The following CAMK1D variants were observed in gnomAD, a reference collection of about 807,000 sequenced individuals.
CAMK1D encodes the protein calcium/calmodulin dependent protein kinase ID, also known as calcium/calmodulin-dependent protein kinase type 1D.
CAMK1D carries 9 observed loss-of-function variants against 47.7 expected under a neutral mutation model. The ratio of observed to expected loss-of-function variants is 0.19; its 90% CI spans 0.11 to 0.33. The LOEUF (loss-of-function observed/expected upper bound fraction) is 0.33, where lower values mean the gene tolerates loss of function less well. CAMK1D is among the 10% of genes least tolerant of loss of function. The pLI, the probability that CAMK1D is intolerant of heterozygous loss-of-function variation, is 1.00. For missense variants in CAMK1D, 291 were observed against 488.7 expected (o/e 0.60, Z 3.81); for synonymous variants, 184 against 184.9 (o/e 0.99, Z 0.04).
intron 1 of CAMK1D, among the ~76,000 whole-genome samples, chr10:12,373,840 C>T (rs952171147): frequency 6.6e-5 from 10 of 150,978 alleles, no homozygotes; most frequent in African/African-American, 1.7e-4. Context: ...TTTGGGAGGC[C>T]GAGGCAGGCG....
rs1431730318 is a variant in CAMK1D at position 12,739,362 on chromosome 10, G to A, written c.300-21586G>A. Among the ~76,000 whole-genome samples the A allele has an allele frequency of 4.0e-5, 6 of 151,412 alleles. No homozygotes were observed. In the South Asian group the frequency reaches 1.0e-3, roughly 26 times the overall value. On this transcript the variant is annotated intron_variant, in intron 3 of 10. Coordinates refer to ENST00000619168, the MANE Select transcript of CAMK1D (RefSeq NM_153498.4). The stretch of plus-strand genomic sequence containing the variant: ...GCCATCTTGGCTCACTATAACCTCC[G>A]CCTCTCGGGTTTAAGCAGTTTTCCT...
At chr10:12,371,178 A>G (rs1045718468) in intron 1 of CAMK1D, among the ~76,000 whole-genome samples, 2 of 152,058 alleles carry the variant, frequency 1.3e-5, no homozygotes, top group African/African-American at 4.8e-5. Flanking sequence ...AGGCCTTCTC[A>G]TTCACTCACC....
intron 1 of CAMK1D, among the ~76,000 whole-genome samples, chr10:12,491,552 G>A (rs1834383209): frequency 6.6e-6 from 1 of 152,096 alleles, no homozygotes; most frequent in Non-Finnish European, 1.5e-5. Flanking sequence ...AGAAGATCCT[G>A]TAAGTCAGCC....
Position 12,544,760 on chromosome 10 carries a change from GGTACTAGTGTTGAGTGGATA to G in CAMK1D, c.93-8413_93-8394del, listed in dbSNP as rs1564402513. Among the ~76,000 whole-genome samples, 12 of 148,988 alleles carry G rather than the reference GGTACTAGTGTTGAGTGGATA, an allele frequency of 8.1e-5. No homozygotes were observed. In the East Asian group the frequency reaches 8.2e-4, roughly 10 times the overall value. The stretch of plus-strand genomic sequence containing the variant: ...TGGATAGTACTAGTATTGAGTGGAT[GGTACTAGTGTTGAGTGGATA>G]GTACTAGTGTTGAGTGGATAGTACT... On this transcript the variant is annotated intron_variant, in intron 1 of 10. Transcript: ENST00000619168.
Position 12,557,551 on chromosome 10 carries a change from CAAA to C in CAMK1D, c.224+4212_224+4214del, listed in dbSNP as rs5783273. Among the ~76,000 whole-genome samples, 878 of 84,402 alleles carry C rather than the reference CAAA, an allele frequency of 0.01. 27 individuals carry two copies. The East Asian group carries it at 0.11, about 10-fold the overall frequency. 55.4% of individuals were successfully genotyped at this position (84,402 alleles called of 152,430 possible). A position where few individuals can be genotyped will look rare whatever the true frequency, so the allele number is the denominator to read the frequency against. ...TGGGCGACAGAGCGAGACTCCATCTCAAAAAAAAAAAAAAAAAAAGAAAAAAGA... is the reference window on the plus strand; with the variant it reads ...TGGGCGACAGAGCGAGACTCCATCTCAAAAAAAAAAAAAAAAGAAAAAAGA... On this transcript the variant is annotated intron_variant, in intron 2 of 10. Transcript: ENST00000619168.
intron 6 of CAMK1D, among the ~76,000 whole-genome samples, chr10:12,807,901 G>A (rs1838808653): frequency 6.6e-6 from 1 of 151,846 alleles, no homozygotes; most frequent in Admixed American, 6.6e-5. Flanking sequence ...TGTCCCTATC[G>A]CCCCTCTGTC....
Position 12,792,036 on chromosome 10 carries a change from T to C in CAMK1D, c.641+803T>C, listed in dbSNP as rs1237252058. Among the ~76,000 whole-genome samples the C allele has an allele frequency of 2.0e-5, 3 of 152,344 alleles. No individual in the cohort carries two copies. The South Asian group carries it at 6.2e-4, about 32-fold the overall frequency. The stretch of plus-strand genomic sequence containing the variant: ...CTAATGGGTGTGAAGTGGTATCTCA[T>C]TGGGGTTTTCAATTTGCATTTTTGT... On this transcript the variant is annotated intron_variant, in intron 6 of 10. Transcript: ENST00000619168.
At chr10:12,807,560 G>A (rs1588952348) in intron 6 of CAMK1D, among the ~76,000 whole-genome samples, 1 of 152,298 alleles carries the variant, frequency 6.6e-6, no homozygotes, top group African/African-American at 2.4e-5. Context: ...AGAACTGCCT[G>A]GAGCCGCCTC....
At chr10:12,570,239 A>G (rs372705786) in intron 2 of CAMK1D, among the ~76,000 whole-genome samples, 1 of 152,134 alleles carries the variant, frequency 6.6e-6, no homozygotes, top group African/African-American at 2.4e-5. Flanking sequence ...TCAGACTTGT[A>G]AATAGTTTAG....
intron 2 of CAMK1D, among the ~76,000 whole-genome samples, chr10:12,581,661 T>G (rs894979357): frequency 2.0e-5 from 3 of 152,208 alleles, no homozygotes; most frequent in Non-Finnish European, 4.4e-5. Context: ...ATTTTTTTCC[T>G]ATGTTTGTTG....
At position 12,427,713 on chromosome 10, in the gene CAMK1D, T is replaced by G. The variant is rs1368744004; in HGVS notation, c.92+77803T>G. ...ACTGAACTTACTGTTTTTTTTTTTT[T>G]TTTTTTTTTTTTGAGACGGAGTCTT... On this transcript the variant is annotated intron_variant, in intron 1 of 10. Transcript: ENST00000619168. Among the ~76,000 whole-genome samples, 4 of 115,828 alleles carry G rather than the reference T, an allele frequency of 3.5e-5. 1 individual carries two copies. Among genetic ancestry groups the G allele is most frequent in the South Asian group, 3.1e-4 (1 of 3,248 alleles). 76.0% of individuals were successfully genotyped at this position (115,828 alleles called of 152,430 possible).
chr10:12,667,180 C>T (rs573468535), intron 3 of CAMK1D, among the ~76,000 whole-genome samples: 2 of 152,372 alleles, frequency 1.3e-5, no homozygotes, highest in South Asian at 2.1e-4. Flanking sequence ...CTAGGAGAAA[C>T]TCCCACCCTT....
At position 12,374,476 on chromosome 10, in the gene CAMK1D, A is replaced by G. The variant is rs540717324; in HGVS notation, c.92+24566A>G. On this transcript the variant is annotated intron_variant, in intron 1 of 10. Transcript: ENST00000619168. Reference sequence around the variant, plus strand: ...GTCTCTGTGTCCTTGCTCACGTAGTATCTCCTGCTTCCAGAGCCCACCACT... The same window carrying G: ...GTCTCTGTGTCCTTGCTCACGTAGTGTCTCCTGCTTCCAGAGCCCACCACT... Among the ~76,000 whole-genome samples the G allele has an allele frequency of 3.2e-4, 49 of 152,106 alleles. 2 individuals are homozygous for G. The South Asian group carries it at 9.5e-3, about 30-fold the overall frequency.
At chr10:12,631,165 T>A (rs1839368603) in intron 2 of CAMK1D, among the ~76,000 whole-genome samples, 1 of 152,218 alleles carries the variant, frequency 6.6e-6, no homozygotes, top group South Asian at 2.1e-4. Context: ...GAATAGATAC[T>A]TTAAGGAGGG....
At chr10:12,351,863 A>G (rs887316568) in intron 1 of CAMK1D, among the ~76,000 whole-genome samples, 2 of 152,172 alleles carry the variant, frequency 1.3e-5, no homozygotes, top group Non-Finnish European at 2.9e-5. Flanking sequence ...TCTGCCTGGG[A>G]TGGAATTCTT....
At chr10:12,807,598 G>T (rs1251963621) in intron 6 of CAMK1D, among the ~76,000 whole-genome samples, 1 of 152,188 alleles carries the variant, frequency 6.6e-6, no homozygotes, top group Non-Finnish European at 1.5e-5. Flanking sequence ...CACTGAAGAG[G>T]GAGCTGGAAT....
At chr10:12,624,320 G>C (rs1481864713) in intron 2 of CAMK1D, among the ~76,000 whole-genome samples, 2 of 152,088 alleles carry the variant, frequency 1.3e-5, no homozygotes, top group Non-Finnish European at 2.9e-5. Context: ...GTTGACTACA[G>C]TACAATGTTG....
rs1840296085 is a variant in CAMK1D at position 12,427,714 on chromosome 10, T to TTTTTTTTTTTTG, written c.92+77805_92+77816dup. On this transcript the variant is annotated intron_variant, in intron 1 of 10. Coordinates refer to ENST00000619168, the MANE Select transcript of CAMK1D (RefSeq NM_153498.4). ...CTGAACTTACTGTTTTTTTTTTTTT[T>TTTTTTTTTTTTG]TTTTTTTTTTTGAGACGGAGTCTTG... 2.6e-5 allele frequency among the ~76,000 whole-genome samples: 3 copies of TTTTTTTTTTTTG among 117,460 alleles called. 1 individual carries two copies. The highest frequency in any genetic ancestry group is 1.7e-4 in the Admixed American group (2 of 11,662). 77.1% of individuals were successfully genotyped at this position (117,460 alleles called of 152,430 possible).
intron 1 of CAMK1D, among the ~76,000 whole-genome samples, chr10:12,413,605 G>GGTGACCATGAC (rs1839747034): frequency 2.6e-5 from 4 of 152,086 alleles, no homozygotes; most frequent in African/African-American, 9.7e-5. Flanking sequence ...TGGTGATGAT[G>GGTGACCATGAC]ATGGTGATGC....
Sources: gnomAD v4.1 joint callset for allele counts (sites outside exome capture counted in the v4.1 genomes callset) on GRCh38, gnomAD v4.1.1 for gene constraint, MANE v1.5 for transcripts, NCBI Gene and HGNC (gene_info 2026-07-23, HGNC 2026-07-21) for gene names.